The following TECPR2 variants were observed in gnomAD, a reference collection of about 807,000 sequenced individuals.
TECPR2 encodes the protein tectonin beta-propeller repeat-containing protein 2.
In TECPR2, 65 loss-of-function variants were observed where a neutral mutation model predicts 138.1. The observed-to-expected ratio is 0.47, with a 90% CI of 0.39 to 0.58. TECPR2 has a LOEUF of 0.58. Ranked by LOEUF, TECPR2 falls within the 20% of genes least tolerant of loss-of-function variation. TECPR2 has a pLI of 0.00. For synonymous variants in TECPR2, 746 were observed against 749.8 expected (o/e 0.99, Z 0.08); for missense variants, 1,553 against 1,824.5 (o/e 0.85, Z 2.71).
chr14:102,406,099 TTTAATAG>T (rs930455207), intron 2 of TECPR2, among the ~76,000 whole-genome samples: 2 of 152,196 alleles, frequency 1.3e-5, no homozygotes, highest in African/African-American at 4.8e-5. Flanking sequence ...GGAATTATTG[TTTAATAG>T]AGTTTCAGTT....
At position 102,428,307 on chromosome 14, in the gene TECPR2, A is replaced by C. The variant is rs563757763; in HGVS notation, c.1009A>C (p.Asn337His). The C allele has an allele frequency of 6.2e-7, 1 of 1,612,248 alleles. No homozygotes were observed. The highest frequency in any genetic ancestry group is 1.7e-5 in the Admixed American group (1 of 59,810). ...GDIVSVSCTE[N>H]EIFFLKGDRN... ...TATTGTGTCTGTTTCGTGCACAGAA[A>C]ATGAAATATTTTTCTTGAAAGGAGA... The change falls in exon 7 of 20, where the codon AAT becomes CAT. Residue 337 changes from asparagine to histidine, a missense_variant. Asn to His is a moderately conservative substitution (Grantham distance 68). Coordinates refer to ENST00000359520, the MANE Select transcript of TECPR2 (RefSeq NM_014844.5).
intron 17 of TECPR2, among the ~76,000 whole-genome samples, chr14:102,483,769 C>G (rs1167315817): frequency 6.8e-6 from 1 of 146,542 alleles, no homozygotes; most frequent in Non-Finnish European, 1.5e-5. Context: ...TCTGCTCTGG[C>G]TGAAGGCCTC....
rs921489533 is a variant in TECPR2, at chr14:102,498,233, G to A, written c.4212G>A (p.Leu1404=). The A allele has an allele frequency of 6.2e-7, 1 of 1,604,230 alleles. No homozygotes were observed. Among genetic ancestry groups the A allele is most frequent in the Non-Finnish European group, 8.5e-7 (1 of 1,179,890 alleles). ...SQAAMPHPED[L]EDEWEVI ...CCGCCATGCCCCACCCTGAGGACCTGGAGGACGAGTGGGAGGTCATCTGAA... is the reference window on the plus strand; with the variant it reads ...CCGCCATGCCCCACCCTGAGGACCTAGAGGACGAGTGGGAGGTCATCTGAA... Residue 1404 remains leucine (L), a synonymous_variant, in exon 20 of 20, where the codon CTG becomes CTA. Transcript: ENST00000359520.
intron 7 of TECPR2, among the ~76,000 whole-genome samples, chr14:102,429,039 G>T (rs915058127): frequency 2.6e-5 from 4 of 152,092 alleles, no homozygotes; most frequent in African/African-American, 9.7e-5. Flanking sequence ...TAGAGACAGG[G>T]TTTCTCCATG....
intron 17 of TECPR2, among the ~76,000 whole-genome samples, chr14:102,474,247 A>G (rs1890706949): frequency 6.6e-6 from 1 of 152,128 alleles, no homozygotes; most frequent in Admixed American, 6.5e-5. Flanking sequence ...CAGACTGGGC[A>G]ACAGAGCAAG....
chr14:102,493,532 G>A (rs1567364426), intron 17 of TECPR2, among the ~76,000 whole-genome samples: 1 of 152,258 alleles, frequency 6.6e-6, no homozygotes, highest in Non-Finnish European at 1.5e-5. Context: ...TGGATGTGAT[G>A]TATGGAAAGG....
At chr14:102,414,484 T>G in intron 4 of TECPR2, 152 bp from the exon 5 acceptor site, 1 of 890,694 alleles carries the variant, frequency 1.1e-6, no homozygotes, top group Non-Finnish European at 1.7e-6. Flanking sequence ...TATGGTGGGT[T>G]GAGAGTGAAT....
intron 16 of TECPR2, among the ~76,000 whole-genome samples, chr14:102,461,556 C>G (rs1283498144): frequency 2.0e-5 from 3 of 152,164 alleles, no homozygotes; most frequent in Non-Finnish European, 4.4e-5. Flanking sequence ...CAGGGACAGA[C>G]AGGAAAATGT....
At chr14:102,402,903 C>A (rs2139687804) in intron 2 of TECPR2, among the ~76,000 whole-genome samples, 1 of 152,250 alleles carries the variant, frequency 6.6e-6, no homozygotes, top group African/African-American at 2.4e-5. Flanking sequence ...AATCAAATAT[C>A]TCCTTGTAAA....
intron 16 of TECPR2, among the ~76,000 whole-genome samples, chr14:102,458,001 G>A (rs1298877027): frequency 6.7e-6 from 1 of 150,220 alleles, no homozygotes; most frequent in Non-Finnish European, 1.5e-5. Context: ...AGTCTCCCAA[G>A]TAGCTGGGAT....
intron 2 of TECPR2, among the ~76,000 whole-genome samples, chr14:102,392,715 C>G (rs1473651692): frequency 6.6e-6 from 1 of 152,138 alleles, no homozygotes; most frequent in Non-Finnish European, 1.5e-5. Flanking sequence ...GTGGCTGATC[C>G]TAATGTATGA....
At chr14:102,465,412 C>T in intron 17 of TECPR2, 123 bp downstream of exon 17, 1 of 1,455,346 alleles carries the variant, frequency 6.9e-7, no homozygotes, top group Non-Finnish European at 9.0e-7. Context: ...GGGAGCCATG[C>T]CCCCAGGGTC....
At chr14:102,423,907 A>C (rs1889247577) in intron 5 of TECPR2, among the ~76,000 whole-genome samples, 1 of 152,236 alleles carries the variant, frequency 6.6e-6, no homozygotes. Flanking sequence ...TGAGCACAGC[A>C]ATCAGACGTC....
At chr14:102,392,912 C>T (rs1022019879) in intron 2 of TECPR2, among the ~76,000 whole-genome samples, 4 of 152,132 alleles carry the variant, frequency 2.6e-5, no homozygotes, top group East Asian at 1.9e-4. Context: ...ACACATTCTT[C>T]GGAAAGATTC....
At chr14:102,401,474 A>C (rs867667845) in intron 2 of TECPR2, among the ~76,000 whole-genome samples, 2 of 150,410 alleles carry the variant, frequency 1.3e-5, no homozygotes, top group African/African-American at 4.9e-5. Context: ...CAATCCTACT[A>C]TATGCTATAT....
intron 17 of TECPR2, among the ~76,000 whole-genome samples, chr14:102,490,268 T>A (rs1217204155): frequency 6.6e-6 from 1 of 152,168 alleles, no homozygotes; most frequent in East Asian, 1.9e-4. Flanking sequence ...ATGAAGTCAT[T>A]TGCTTTGAGG....
intron 11 of TECPR2, among the ~76,000 whole-genome samples, chr14:102,442,567 AC>A (rs1889863388): frequency 6.6e-6 from 1 of 152,134 alleles, no homozygotes; most frequent in Admixed American, 6.5e-5. Flanking sequence ...GGAGCGAGTG[AC>A]CTCTAAACCA....
At chr14:102,438,247 C>T (rs1567342087) in intron 10 of TECPR2, 42 bp downstream of exon 10, 3 of 1,570,044 alleles carry the variant, frequency 1.9e-6, no homozygotes, top group South Asian at 1.2e-5. Flanking sequence ...TGCTCCCGCT[C>T]GCCGCTCCTG....
At chr14:102,458,614 G>T (rs987356208) in intron 16 of TECPR2, among the ~76,000 whole-genome samples, 4 of 152,034 alleles carry the variant, frequency 2.6e-5, no homozygotes, top group African/African-American at 9.7e-5. Context: ...TCACCATGTT[G>T]GCCAGGCTGG....
Sources: allele counts gnomAD v4.1 joint callset (sites outside exome capture counted in the v4.1 genomes callset), GRCh38; gene constraint gnomAD v4.1.1; transcripts MANE v1.5; gene names NCBI Gene and HGNC (gene_info 2026-07-23, HGNC 2026-07-21).